Variants in RSRC1 observed in about 807,000 individuals in gnomAD.
The protein encoded by RSRC1 is arginine and serine rich coiled-coil 1.
In RSRC1, 39 loss-of-function variants were observed where a neutral mutation model predicts 49.1. The observed-to-expected ratio is 0.79, with a 90% CI of 0.61 to 1.04. The LOEUF (loss-of-function observed/expected upper bound fraction) is 1.04. RSRC1 is among the 50% of genes least tolerant of loss of function. The pLI is 0.00. For synonymous variants in RSRC1, 143 were observed against 130.8 expected, an observed-to-expected ratio of 1.09 and a Z score of -0.63; for missense variants, 388 against 402.4, an observed-to-expected ratio of 0.96 and a Z score of 0.31.
In RSRC1 at chr3:158,544,250, G is replaced by A; in HGVS notation, c.980G>A (p.Arg327Lys). ...AGATTAATTGCTCTCCGACAAGAAA[G>A]ACTAATGGGCAGTCCTGTGGCCTAA... ...FKRLIALRQE[R>K]LMGSPVA Residue 327 changes from arginine to lysine, a missense_variant, in exon 10 of 10, where the codon AGA becomes AAA. Physicochemically the swap from Arg to Lys is conservative, Grantham distance 26. Coordinates refer to ENST00000611884, the MANE Select transcript of RSRC1 (RefSeq NM_001271838.2). 2 of 1,611,850 alleles carry A rather than the reference G, an allele frequency of 1.2e-6. No individual in the cohort carries two copies. Among genetic ancestry groups the A allele is most frequent in the Non-Finnish European group, 1.7e-6 (2 of 1,178,584 alleles).
In RSRC1 at chr3:158,246,397, TA is replaced by T. The variant is rs397821719; in HGVS notation, c.494+43163del. 3.5e-4 allele frequency among the ~76,000 whole-genome samples: 52 copies of T among 148,068 alleles called. 1 individual carries two copies. The highest frequency in any genetic ancestry group is 7.4e-4 in the African/African-American group (30 of 40,428). ...ATGTACCTTAAAACTTAAAGTATAA[TA>T]AAAAAAAAAAGGATAGCATTGTTAT... On this transcript the variant is annotated intron_variant, in intron 4 of 9. Transcript: ENST00000611884.
intron 4 of RSRC1, among the ~76,000 whole-genome samples, chr3:158,210,675 A>G (rs1017435533): frequency 6.6e-6 from 1 of 151,960 alleles, no homozygotes; most frequent in Non-Finnish European, 1.5e-5. Flanking sequence ...CCCAATTTCT[A>G]TTCTGTGGGT....
At chr3:158,379,664 C>CT (rs1440738190) in intron 6 of RSRC1, among the ~76,000 whole-genome samples, 2 of 152,102 alleles carry the variant, frequency 1.3e-5, no homozygotes, top group East Asian at 3.9e-4. Context: ...CCTTCAAGGC[C>CT]TTAATGCTGC....
chr3:158,297,784 G>T (rs1239447891), intron 4 of RSRC1, among the ~76,000 whole-genome samples: 1 of 151,884 alleles, frequency 6.6e-6, no homozygotes, highest in Non-Finnish European at 1.5e-5. Flanking sequence ...AATGATGTTT[G>T]TGAGTTCTTT....
chr3:158,352,625 A>T (rs1425771386), intron 5 of RSRC1, among the ~76,000 whole-genome samples: 1 of 152,134 alleles, frequency 6.6e-6, no homozygotes, highest in Non-Finnish European at 1.5e-5. Flanking sequence ...CTTGCTTAGG[A>T]TCTGCTTGAA....
intron 6 of RSRC1, among the ~76,000 whole-genome samples, chr3:158,390,319 A>C (rs1733204764): frequency 6.6e-6 from 1 of 152,206 alleles, no homozygotes; most frequent in Non-Finnish European, 1.5e-5. Flanking sequence ...TTACCTTGCA[A>C]CTATAGTTAG....
At chr3:158,255,487 G>A (rs952489797) in intron 4 of RSRC1, among the ~76,000 whole-genome samples, 11 of 152,194 alleles carry the variant, frequency 7.2e-5, no homozygotes, top group African/African-American at 2.7e-4. Flanking sequence ...ATAGTTTGAA[G>A]TCAGGTAGCA....
intron 5 of RSRC1, among the ~76,000 whole-genome samples, chr3:158,310,171 A>C (rs1226109636): frequency 6.6e-6 from 1 of 151,606 alleles, no homozygotes; most frequent in African/African-American, 2.4e-5. Context: ...TATTATATAA[A>C]TACCTTACTT....
chr3:158,513,754 C>T (rs1196960865), intron 7 of RSRC1, among the ~76,000 whole-genome samples: 4 of 152,192 alleles, frequency 2.6e-5, no homozygotes, highest in South Asian at 2.1e-4. Flanking sequence ...TGGTCCTGGA[C>T]TCTTTGGTTG....
intron 3 of RSRC1, among the ~76,000 whole-genome samples, chr3:158,188,923 C>T (rs932717436): frequency 5.3e-5 from 8 of 151,594 alleles, no homozygotes; most frequent in Non-Finnish European, 1.0e-4. Context: ...TTATTTTTAG[C>T]TTTTATTCTT....
At chr3:158,316,438 A>ATTTTTT (rs564633575) in intron 5 of RSRC1, among the ~76,000 whole-genome samples, 1 of 72,220 alleles carries the variant, frequency 1.4e-5, no homozygotes, top group African/African-American at 6.4e-5. Context: ...AGAATCTCTC[A>ATTTTTT]TTTTTTTTTT....
chr3:158,178,563 T>A (rs1413112529), intron 3 of RSRC1, among the ~76,000 whole-genome samples: 1 of 152,232 alleles, frequency 6.6e-6, no homozygotes, highest in African/African-American at 2.4e-5. Context: ...TTATTTTCTC[T>A]TGTTAATTTT....
At chr3:158,531,124 A>G (rs1712376165) in intron 7 of RSRC1, among the ~76,000 whole-genome samples, 1 of 150,662 alleles carries the variant, frequency 6.6e-6, no homozygotes, top group Non-Finnish European at 1.5e-5. Context: ...TAAGTTCTGG[A>G]GGTGACACAA....
chr3:158,523,407 A>C (rs1711817225), intron 7 of RSRC1, among the ~76,000 whole-genome samples: 1 of 152,080 alleles, frequency 6.6e-6, no homozygotes, highest in African/African-American at 2.4e-5. Flanking sequence ...AAATTACAGT[A>C]ATCAAGACTA....
chr3:158,162,126 A>T (rs997391703), intron 3 of RSRC1, among the ~76,000 whole-genome samples: 2 of 152,198 alleles, frequency 1.3e-5, no homozygotes, highest in Non-Finnish European at 2.9e-5. Flanking sequence ...CAAAATCTTG[A>T]TGGATCTTAT....
intron 6 of RSRC1, among the ~76,000 whole-genome samples, chr3:158,379,507 C>A (rs1732576643): frequency 6.6e-6 from 1 of 151,988 alleles, no homozygotes; most frequent in Non-Finnish European, 1.5e-5. Flanking sequence ...GCCAGAAATA[C>A]CATTAGGCCA....
chr3:158,156,250 T>G (rs1191570430), intron 3 of RSRC1, among the ~76,000 whole-genome samples: 1 of 152,310 alleles, frequency 6.6e-6, no homozygotes, highest in East Asian at 1.9e-4. Context: ...AGCTTCAAAC[T>G]TTTCTTTTGT....
chr3:158,402,378 A>G (rs964081426), intron 6 of RSRC1, among the ~76,000 whole-genome samples: 4 of 151,842 alleles, frequency 2.6e-5, no homozygotes, highest in Admixed American at 1.3e-4. Flanking sequence ...TATACTGGCA[A>G]TGATCTGAAG....
intron 5 of RSRC1, among the ~76,000 whole-genome samples, chr3:158,342,631 C>A: frequency 6.6e-6 from 1 of 152,152 alleles, no homozygotes; most frequent in East Asian, 1.9e-4. Flanking sequence ...TATTAACATG[C>A]ATGGCTATAT....
Sources: gnomAD v4.1 joint callset for allele counts (sites outside exome capture counted in the v4.1 genomes callset) on GRCh38, gnomAD v4.1.1 for gene constraint, MANE v1.5 for transcripts, NCBI Gene and HGNC (gene_info 2026-07-23, HGNC 2026-07-21) for gene names.